Variants in ALOX12B observed in about 807,000 individuals in gnomAD.
ALOX12B encodes arachidonate 12-lipoxygenase, 12R type.
Under a neutral mutation model 78.9 loss-of-function variants are expected in ALOX12B, and 47 were observed. That is an observed-to-expected ratio of 0.60 (90% CI 0.47 to 0.76). ALOX12B has a LOEUF of 0.76. Ranked by LOEUF, ALOX12B falls within the 30% of genes least tolerant of loss-of-function variation. The probability of loss-of-function intolerance (pLI) is 0.00; values close to 1 mark genes in which losing one functional copy is unlikely to be tolerated. For synonymous variants in ALOX12B, 370 were observed against 374.5 expected, an observed-to-expected ratio of 0.99 and a Z score of 0.14; for missense variants, 805 against 922.6, an observed-to-expected ratio of 0.87 and a Z score of 1.65.
chr17:8,072,681 CTG>C lies in ALOX12B; in HGVS notation c.*88_*89del, dbSNP rs1001141773. 8.4e-6 allele frequency: 13 copies of C among 1,551,178 alleles called. No individual in the cohort carries two copies. In the African/African-American group the frequency reaches 1.2e-4, roughly 15 times the overall value. ...TTTTGTTTGTTTGGTGTTTTGGTCTCTGAGGTTTTTGTGTTTTTTGCTTGTTT... is the reference window on the plus strand; with the variant it reads ...TTTTGTTTGTTTGGTGTTTTGGTCTCAGGTTTTTGTGTTTTTTGCTTGTTT... On this transcript the variant is annotated 3_prime_UTR_variant, in exon 15 of 15. Coordinates refer to ENST00000647874, the MANE Select transcript of ALOX12B (RefSeq NM_001139.3).
In ALOX12B at chr17:8,079,513, G is replaced by A. The variant is rs151015645; in HGVS notation, c.954C>T (p.Tyr318=). The A allele has an allele frequency of 4.4e-4, 679 of 1,550,906 alleles. 2 individuals are homozygous for A. The African/African-American group carries it at 8.1e-3, about 18-fold the overall frequency. ...LEKGNIYLAD[Y]RIMEGIPTVE... ...CGGTGGGGATGCCCTCCATGATGCG[G>A]TAGTCGGCCAGGTAAATGTTCCCCT... Residue 318 remains tyrosine (Y), a synonymous_variant, in exon 8 of 15, where the codon TAC becomes TAT. Transcript: ENST00000647874. This position sits in a 1 kb window ranked among gnomAD's most constrained non-coding sequence, Gnocchi z 6.4.
In ALOX12B at chr17:8,073,402, A is replaced by G. The variant is rs1031368609; in HGVS notation, c.1756-84T>C. On this transcript the variant is annotated intron_variant, in intron 13 of 14. Coordinates refer to ENST00000647874, the MANE Select transcript of ALOX12B (RefSeq NM_001139.3). Reference sequence around the variant, plus strand: ...ACCAGGTGCTGACCACCCGCCCTCCAGTCGCTGAGATGGACTCCCCGCCCT... The same window carrying G: ...ACCAGGTGCTGACCACCCGCCCTCCGGTCGCTGAGATGGACTCCCCGCCCT... 4 of 1,519,166 alleles carry G rather than the reference A, an allele frequency of 2.6e-6. No individual in the cohort carries two copies. The African/African-American group carries it at 5.5e-5, about 21-fold the overall frequency. The allele number at this position is 1,519,166 out of a possible 1,614,324, so 94.1% of individuals were successfully genotyped here. A position where few individuals can be genotyped will look rare whatever the true frequency, so the allele number is the denominator to read the frequency against.
At position 8,076,674 on chromosome 17, in the gene ALOX12B, C is replaced by T. The variant is rs1342884275; in HGVS notation, c.1345G>A (p.Gly449Arg). ...AGTCTTACCTTGGCAGAGAGCCCCC[C>T]CTCATTGAGGAGAACGGCCCGGCCA... ...SIGRAVLLNE[G>R]GLSAKGMSLG... The change falls in exon 10 of 15, where the codon GGG becomes AGG. Residue 449 changes from glycine to arginine, a missense_variant. Gly to Arg is a moderately radical substitution (Grantham distance 125). Transcript: ENST00000647874. 7 of 1,551,464 alleles carry T rather than the reference C, an allele frequency of 4.5e-6. No individual in the cohort carries two copies. Among genetic ancestry groups the T allele is most frequent in the African/African-American group, 1.4e-5 (1 of 73,156 alleles).
chr17:8,083,660 C>G (rs992731124), intron 2 of ALOX12B, among the ~76,000 whole-genome samples: 1 of 151,664 alleles, frequency 6.6e-6, no homozygotes, highest in African/African-American at 2.4e-5. Flanking sequence ...ACCCAGGAAG[C>G]AGAGGTTACA....
In ALOX12B at chr17:8,078,666, G is replaced by A. The variant is rs539197860; in HGVS notation, c.1071+730C>T. Among the ~76,000 whole-genome samples, 8 of 152,218 alleles carry A rather than the reference G, an allele frequency of 5.3e-5. No homozygotes were observed. The South Asian group carries it at 1.7e-3, about 32-fold the overall frequency. ...CACTTTGTACTTCTGTACCTCAGGG[G>A]ACCAAGACAGCAAGCAGGTGAGAGG... is the stretch of plus-strand genomic sequence containing the variant. On this transcript the variant is annotated intron_variant, in intron 8 of 14. Transcript: ENST00000647874.
At chr17:8,082,604 A>G (rs1977238891) in intron 2 of ALOX12B, among the ~76,000 whole-genome samples, 1 of 146,086 alleles carries the variant, frequency 6.8e-6, no homozygotes, top group Admixed American at 6.8e-5. Context: ...CTATTGCTAT[A>G]GATTACGCCT....
Position 8,087,637 on chromosome 17 carries a change from T to A in ALOX12B, c.-195A>T. ...ATTCTGGAAAAGCTGCTGCCCTTGGTGGCCGGGGTGGGTGCCGGGCAGGCC... is the reference window on the plus strand; with the variant it reads ...ATTCTGGAAAAGCTGCTGCCCTTGGAGGCCGGGGTGGGTGCCGGGCAGGCC... On this transcript the variant is annotated 5_prime_UTR_variant, in exon 1 of 15. Coordinates refer to ENST00000647874, the MANE Select transcript of ALOX12B (RefSeq NM_001139.3). 1 of 905,662 alleles carries A rather than the reference T, an allele frequency of 1.1e-6. No individual in the cohort carries two copies. Among genetic ancestry groups the A allele is most frequent in the Non-Finnish European group, 1.7e-6 (1 of 595,442 alleles). 56.1% of individuals were successfully genotyped at this position (905,662 alleles called of 1,614,324 possible).
chr17:8,073,851 T>C, intron 12 of ALOX12B, 94 bp from the exon 13 acceptor site: 1 of 1,028,524 alleles, frequency 9.7e-7, no homozygotes, highest in East Asian at 2.6e-5. Flanking sequence ...CTCACCGTTT[T>C]GCAAAAGCTT....
At chr17:8,074,795 C>T (rs1977048022) in intron 12 of ALOX12B, among the ~76,000 whole-genome samples, 1 of 152,210 alleles carries the variant, frequency 6.6e-6, no homozygotes, top group African/African-American at 2.4e-5. Context: ...AACATGATTA[C>T]AGTAAGCAGC....
At chr17:8,075,279 C>A (rs768976236) in intron 12 of ALOX12B, among the ~76,000 whole-genome samples, 16 of 152,204 alleles carry the variant, frequency 1.1e-4, no homozygotes, top group Non-Finnish European at 1.9e-4. Flanking sequence ...GGAGCTCATA[C>A]CCCATTTCAC....
At position 8,087,418 on chromosome 17, in the gene ALOX12B, C is replaced by T. The variant is rs1187233074; in HGVS notation, c.25G>A (p.Ala9Thr). The T allele has an allele frequency of 4.3e-6, 7 of 1,614,098 alleles. No individual in the cohort carries two copies. In the East Asian group the frequency reaches 1.6e-4, roughly 36 times the overall value. MATYKVRVATGTDLLSGTR... is the reference protein window; with the variant it reads MATYKVRVTTGTDLLSGTR... ...CCCGACAAGAGGTCGGTGCCTGTGG[C>T]CACCCTGACTTTGTAGGTGGCCATG... is the stretch of plus-strand genomic sequence containing the variant. The change falls in exon 1 of 15, where the codon GCC becomes ACC. Residue 9 changes from alanine (A) to threonine (T), a missense_variant. Physicochemically the swap from Ala to Thr is moderately conservative, Grantham distance 58. Transcript: ENST00000647874.
rs1338807370 is a variant in ALOX12B at position 8,079,496 on chromosome 17, A to G, written c.971T>C (p.Ile324Thr). 6.4e-7 allele frequency: 1 copy of G among 1,550,874 alleles called. No homozygotes were observed. Among genetic ancestry groups the G allele is most frequent in the Non-Finnish European group, 8.7e-7 (1 of 1,146,940 alleles). Residue 324 changes from isoleucine (I) to threonine (T), a missense_variant, in exon 8 of 15, where the codon ATC becomes ACC. Transcript: ENST00000647874. This position sits in a 1 kb window ranked among gnomAD's most constrained non-coding sequence, Gnocchi z 6.4. ...CCGGCCGCTGAGCTCCACGGTGGGG[A>G]TGCCCTCCATGATGCGGTAGTCGGC... ...YLADYRIMEG[I>T]PTVELSGRKQ...
chr17:8,072,861 G>C lies in ALOX12B; in HGVS notation c.2016C>G (p.Ile672Met), dbSNP rs1567980162. The change falls in exon 15 of 15, where the codon ATC becomes ATG. Residue 672 changes from isoleucine to methionine, a missense_variant. Coordinates refer to ENST00000647874, the MANE Select transcript of ALOX12B (RefSeq NM_001139.3). Reference sequence around the variant, plus strand: ...TGTTGCGCTGGCGGATGTCGTGTGAGATCTGGTTCAGGCGCTGGCGGAACG... The same window carrying C: ...TGTTGCGCTGGCGGATGTCGTGTGACATCTGGTTCAGGCGCTGGCGGAACG... ...IEAFRQRLNQ[I>M]SHDIRQRNKC... The C allele has an allele frequency of 1.2e-6, 2 of 1,614,204 alleles. No homozygotes were observed. The highest frequency in any genetic ancestry group is 1.7e-6 in the Non-Finnish European group (2 of 1,180,038).
In ALOX12B at chr17:8,079,691, C is replaced by G; in HGVS notation, c.927+78G>C. The stretch of plus-strand genomic sequence containing the variant: ...GGCTTGCCTGGGACTGGCGCGGGCG[C>G]CGGAGGTGGGGAGAGACGGGGATGC... On this transcript the variant is annotated intron_variant, in intron 7 of 14. Coordinates refer to ENST00000647874, the MANE Select transcript of ALOX12B (RefSeq NM_001139.3). This position sits in a 1 kb window ranked among gnomAD's most constrained non-coding sequence, Gnocchi z 6.4. 1 of 1,552,892 alleles carries G rather than the reference C, an allele frequency of 6.4e-7. No homozygotes were observed. The highest frequency in any genetic ancestry group is 2.4e-5 in the East Asian group (1 of 41,260).
chr17:8,086,449 C>G (rs1383396708), intron 1 of ALOX12B, among the ~76,000 whole-genome samples: 1 of 152,184 alleles, frequency 6.6e-6, no homozygotes, highest in Non-Finnish European at 1.5e-5. Context: ...ACTCCAGCCC[C>G]TCCTTCTCTC....
In ALOX12B at chr17:8,080,017, A is replaced by G. The variant is rs143625076; in HGVS notation, c.755-76T>C. 143 of 1,564,278 alleles carry G rather than the reference A, an allele frequency of 9.1e-5. No individual in the cohort carries two copies. In the African/African-American group the frequency reaches 1.9e-3, roughly 20 times the overall value. On this transcript the variant is annotated intron_variant, in intron 6 of 14. Coordinates refer to ENST00000647874, the MANE Select transcript of ALOX12B (RefSeq NM_001139.3). This position sits in a 1 kb window ranked among gnomAD's most constrained non-coding sequence, Gnocchi z 4.8. ...ACGGAGAGGCATGGGACAGAAGAAG[A>G]CTATGGGCACCGAGAGGAGTCGGGG...
chr17:8,074,495 A>G (rs1288780469), intron 12 of ALOX12B, among the ~76,000 whole-genome samples: 1 of 145,656 alleles, frequency 6.9e-6, no homozygotes, highest in Non-Finnish European at 1.5e-5. Context: ...AACTCAAACC[A>G]TCACCCAGTC....
In ALOX12B at chr17:8,080,285, C is replaced by G; in HGVS notation, c.704G>C (p.Arg235Thr). The change falls in exon 6 of 15, where the codon AGG becomes ACG. Residue 235 changes from arginine to threonine, a missense_variant. Arg to Thr is a moderately conservative substitution (Grantham distance 71). Coordinates refer to ENST00000647874, the MANE Select transcript of ALOX12B (RefSeq NM_001139.3). The surrounding 1 kb of genome is among the most constrained non-coding windows in gnomAD (Gnocchi z 4.8). ...GAAAATTTTCCTAATGTCCTTCAGCCTCTTCCACGAATGTTTGCAGTCCAA... is the reference window on the plus strand; with the variant it reads ...GAAAATTTTCCTAATGTCCTTCAGCGTCTTCCACGAATGTTTGCAGTCCAA... ...GLLDCKHSWK[R>T]LKDIRKIFPG... 1.2e-6 allele frequency: 2 copies of G among 1,614,260 alleles called. No individual in the cohort carries two copies. Among genetic ancestry groups the G allele is most frequent in the Non-Finnish European group, 1.7e-6 (2 of 1,180,052 alleles).
intron 13 of ALOX12B, 67 bp downstream of exon 13, chr17:8,073,590 G>A (rs1977026098): frequency 7.0e-7 from 1 of 1,427,808 alleles, no homozygotes; most frequent in Admixed American, 1.7e-5. Context: ...GTTTGAGGTT[G>A]GGGCATGGAC....
Sources: allele counts gnomAD v4.1 joint callset (sites outside exome capture counted in the v4.1 genomes callset), GRCh38; gene constraint gnomAD v4.1.1; non-coding constraint Gnocchi (gnomAD v3.1); transcripts MANE v1.5; gene names NCBI Gene and HGNC (gene_info 2026-07-23, HGNC 2026-07-21).